CHM: variants seen among roughly 807,000 people sequenced by gnomAD.
CHM encodes the protein rab proteins geranylgeranyltransferase component A 1.
In CHM, 10 loss-of-function variants were observed where a neutral mutation model predicts 49.0. The ratio of observed to expected loss-of-function variants is 0.20; its 90% confidence interval spans 0.13 to 0.35. The LOEUF (loss-of-function observed/expected upper bound fraction) is 0.35. Ranked by LOEUF, CHM falls within the 10% of genes least tolerant of loss-of-function variation. The pLI, the probability that CHM is intolerant of heterozygous loss-of-function variation, is 1.00. For missense variants in CHM, 455 were observed against 478.4 expected (o/e 0.95, Z 0.46); for synonymous variants, 184 against 167.5 (o/e 1.10, Z -0.76).
At chrX:85,906,885 G>A (rs911166336) in intron 9 of CHM, among the ~76,000 whole-genome samples, 28 of 112,146 alleles carry the variant, frequency 2.5e-4, no homozygotes, top group Non-Finnish European at 7.5e-5. Flanking sequence ...TGTAATACCA[G>A]CACTCTGGGA....
chrX:86,006,207 T>G (rs942381523), intron 2 of CHM, among the ~76,000 whole-genome samples: 1 of 111,535 alleles, frequency 9.0e-6, no homozygotes, highest in Non-Finnish European at 1.9e-5. Context: ...TTGACAAAAT[T>G]TAACAGCCCT....
chrX:85,900,613 A>G lies in CHM; in HGVS notation c.1413+33T>C, dbSNP rs751952678. ...ATACCGAAACATCTTCATATATACAACTTTTATTAAAAATATATAGGACTG... is the reference window on the plus strand; with the variant it reads ...ATACCGAAACATCTTCATATATACAGCTTTTATTAAAAATATATAGGACTG... On this transcript the variant is annotated intron_variant, in intron 11 of 14. Transcript: ENST00000357749. The G allele has an allele frequency of 2.7e-5, 24 of 899,362 alleles. 1 individual carries two copies. Among genetic ancestry groups the G allele is most frequent in the Non-Finnish European group, 3.5e-5 (22 of 625,178 alleles). 74.1% of individuals were successfully genotyped at this position (899,362 alleles called of 1,213,427 possible).
chrX:85,946,633 G>T (rs1929428922), intron 8 of CHM, among the ~76,000 whole-genome samples: 1 of 112,219 alleles, frequency 8.9e-6, no homozygotes, highest in Admixed American at 9.4e-5. Flanking sequence ...AAGCTTGGGT[G>T]TCCAGGCAGA....
chrX:85,881,313 ATCTG>A lies in CHM; in HGVS notation c.1511-2254_1511-2251del, dbSNP rs758994469. ...CAATTGATAATCTCAAATTATTTAAATCTGTCTGAGAAATGCTTATAAACACATT... is the reference window on the plus strand; with the variant it reads ...CAATTGATAATCTCAAATTATTTAAATCTGAGAAATGCTTATAAACACATT... On this transcript the variant is annotated intron_variant, in intron 12 of 14. Transcript: ENST00000357749. Among the ~76,000 whole-genome samples, 512 of 112,289 alleles carry A rather than the reference ATCTG, an allele frequency of 4.6e-3. 2 individuals are homozygous for A. The highest frequency in any genetic ancestry group is 7.0e-3 in the Non-Finnish European group (374 of 53,211).
chrX:86,035,736 G>C (rs1331146090), intron 1 of CHM, among the ~76,000 whole-genome samples: 3 of 109,673 alleles, frequency 2.7e-5, no homozygotes, highest in African/African-American at 1.0e-4. Flanking sequence ...TAACAGGGTT[G>C]GATGGTGAAA....
rs776176869 is a variant in CHM at position 85,917,141 on chromosome X, C to T, written c.1167-5803G>A. On this transcript the variant is annotated intron_variant, in intron 8 of 14. Coordinates refer to ENST00000357749, the MANE Select transcript of CHM (RefSeq NM_000390.4). ...AAGAAAGATGAGCTCATGTCCTTTG[C>T]AGGGACATGGATGGAGCTGGGGGCC... Among the ~76,000 whole-genome samples, 5 of 111,963 alleles carry T rather than the reference C, an allele frequency of 4.5e-5. No homozygotes were observed. In the East Asian group the frequency reaches 1.1e-3, roughly 25 times the overall value.
At position 86,047,397 on chromosome X, in the gene CHM, T is replaced by G. The variant is rs906722628; in HGVS notation, c.49+87A>C. 3 of 877,887 alleles carry G rather than the reference T, an allele frequency of 3.4e-6. No homozygotes were observed. In the African/African-American group the frequency reaches 6.0e-5, roughly 17 times the overall value. 72.3% of individuals were successfully genotyped at this position (877,887 alleles called of 1,213,427 possible). On this transcript the variant is annotated intron_variant, in intron 1 of 14. Coordinates refer to ENST00000357749, the MANE Select transcript of CHM (RefSeq NM_000390.4). ...TCCCTCCCACTCTCGACCCACGATG[T>G]TTGTCCCAAAACTCGCCACTGACAG...
At chrX:86,030,092 A>G (rs1008067904) in intron 1 of CHM, among the ~76,000 whole-genome samples, 1 of 112,385 alleles carries the variant, frequency 8.9e-6, no homozygotes, top group Admixed American at 9.4e-5. Flanking sequence ...TAGGGTAGGC[A>G]GTTATACACG....
At chrX:85,970,336 T>C (rs1930825772) in intron 4 of CHM, 1 of 745,517 alleles carries the variant, frequency 1.3e-6, no homozygotes, top group Admixed American at 8.8e-5. Flanking sequence ...ATTACAGATA[T>C]AACTACATTA....
At chrX:86,037,354 T>A (rs1477771078) in intron 1 of CHM, among the ~76,000 whole-genome samples, 1 of 110,561 alleles carries the variant, frequency 9.0e-6, no homozygotes, top group Non-Finnish European at 1.9e-5. Context: ...TGACCTCAGG[T>A]GATCCACTTG....
chrX:86,012,092 G>C (rs1394959127), intron 2 of CHM, among the ~76,000 whole-genome samples: 1 of 111,939 alleles, frequency 8.9e-6, no homozygotes, highest in Non-Finnish European at 1.9e-5. Flanking sequence ...AGTAATAGCA[G>C]TAAGTGATGA....
intron 5 of CHM, among the ~76,000 whole-genome samples, chrX:85,960,672 C>T (rs907203212): frequency 3.6e-5 from 4 of 110,856 alleles, no homozygotes; most frequent in Middle Eastern, 4.6e-3. Context: ...GTGATCCGCC[C>T]GCTTCAGCCT....
intron 2 of CHM, among the ~76,000 whole-genome samples, chrX:86,002,434 T>C (rs1411184870): frequency 1.8e-5 from 2 of 112,017 alleles, no homozygotes; most frequent in Non-Finnish European, 3.8e-5. Context: ...CCATAACTGT[T>C]CCAAGATGGC....
chrX:86,006,858 C>T (rs1359737461), intron 2 of CHM, among the ~76,000 whole-genome samples: 1 of 111,664 alleles, frequency 9.0e-6, no homozygotes, highest in African/African-American at 3.3e-5. Context: ...AGATTCAATG[C>T]CATCCCCATC....
intron 8 of CHM, among the ~76,000 whole-genome samples, chrX:85,948,802 T>C (rs1304569062): frequency 8.9e-6 from 1 of 111,843 alleles, no homozygotes; most frequent in Non-Finnish European, 1.9e-5. Flanking sequence ...TAGGCTATGA[T>C]GTATAGATGG....
At chrX:85,923,668 A>G (rs561628899) in intron 8 of CHM, among the ~76,000 whole-genome samples, 4 of 112,143 alleles carry the variant, frequency 3.6e-5, no homozygotes, top group African/African-American at 1.3e-4. Context: ...CCCTGCTGTC[A>G]TATAACTTAC....
chrX:85,959,823 AC>A (rs918727677), intron 5 of CHM, among the ~76,000 whole-genome samples: 35 of 111,935 alleles, frequency 3.1e-4, no homozygotes, highest in African/African-American at 1.1e-3. Context: ...AATGAATGTT[AC>A]ATCTATAATA....
At chrX:86,014,604 TGTC>T (rs1933211550) in intron 2 of CHM, among the ~76,000 whole-genome samples, 1 of 112,420 alleles carries the variant, frequency 8.9e-6, no homozygotes, top group South Asian at 3.7e-4. Flanking sequence ...GCAGTGGGGG[TGTC>T]CCCGGCTGTG....
intron 2 of CHM, among the ~76,000 whole-genome samples, chrX:86,016,625 A>G (rs1933316238): frequency 8.9e-6 from 1 of 112,453 alleles, no homozygotes; most frequent in African/African-American, 3.2e-5. Context: ...ACCTCCACCT[A>G]TATTTCAGAG....
Sources: allele counts gnomAD v4.1 joint callset (sites outside exome capture counted in the v4.1 genomes callset), GRCh38; gene constraint gnomAD v4.1.1; transcripts MANE v1.5; gene names NCBI Gene and HGNC (gene_info 2026-07-23, HGNC 2026-07-21).